The following TLL1 variants were observed in gnomAD, a reference collection of about 807,000 sequenced individuals.
TLL1 encodes the protein tolloid like 1, also known as tolloid-like protein 1.
Under a neutral mutation model 128.2 loss-of-function variants are expected in TLL1, and 49 were observed. The ratio of observed to expected loss-of-function variants is 0.38; its 90% CI spans 0.30 to 0.48. The LOEUF is 0.48. Ranked by LOEUF, TLL1 falls within the 20% of genes least tolerant of loss-of-function variation. The pLI is 0.96. For missense variants in TLL1, 1,123 were observed against 1,242.0 expected (o/e 0.90, Z 1.44); for synonymous variants, 454 against 418.8 (o/e 1.08, Z -1.03).
intron 9 of TLL1, among the ~76,000 whole-genome samples, chr4:166,031,581 TG>T (rs930855853): frequency 3.3e-5 from 5 of 152,204 alleles, no homozygotes; most frequent in Middle Eastern, 3.4e-3. Context: ...TTGCCCAGGC[TG>T]GTCTTGAACT....
intron 1 of TLL1, among the ~76,000 whole-genome samples, chr4:165,980,070 T>TA (rs1354018593): frequency 7.9e-5 from 12 of 152,280 alleles, no homozygotes; most frequent in South Asian, 4.1e-4. Flanking sequence ...ATGTTATCAT[T>TA]AAACATTGGA....
chr4:165,952,804 AT>A (rs1468943151), intron 1 of TLL1, among the ~76,000 whole-genome samples: 2 of 151,688 alleles, frequency 1.3e-5, no homozygotes, highest in African/African-American at 2.4e-5. Context: ...AGTCAAAAAA[AT>A]AAAAAAATTT....
intron 1 of TLL1, among the ~76,000 whole-genome samples, chr4:165,908,635 C>T (rs2110867144): frequency 6.7e-6 from 1 of 149,986 alleles, no homozygotes; most frequent in Middle Eastern, 3.6e-3. Flanking sequence ...TAATAGCAGT[C>T]TGCATGGAAT....
intron 1 of TLL1, among the ~76,000 whole-genome samples, chr4:165,971,261 C>A (rs1735615280): frequency 6.6e-6 from 1 of 152,144 alleles, no homozygotes; most frequent in Admixed American, 6.5e-5. Flanking sequence ...GTGATATCAC[C>A]CCCATGCATG....
chr4:165,948,882 A>G (rs989719818), intron 1 of TLL1, among the ~76,000 whole-genome samples: 4 of 152,130 alleles, frequency 2.6e-5, no homozygotes, highest in Non-Finnish European at 4.4e-5. Context: ...TGAGGGTTAG[A>G]GGGAAGACTG....
At chr4:166,047,661 C>T (rs1157300085) in intron 12 of TLL1, among the ~76,000 whole-genome samples, 3 of 152,018 alleles carry the variant, frequency 2.0e-5, no homozygotes, top group Non-Finnish European at 2.9e-5. Flanking sequence ...TTTGCCAGTG[C>T]CATTTGCATT....
rs115531004 is a variant in TLL1, at chr4:166,005,182, T to C, written c.811+1613T>C. Among the ~76,000 whole-genome samples the C allele has an allele frequency of 5.4e-3, 817 of 152,182 alleles. 3 individuals carry two copies. The highest frequency in any genetic ancestry group is 8.1e-3 in the Non-Finnish European group (550 of 67,940). ...AACATTTGAGATATTGAAATATTGA[T>C]AAAACAGCATGTTTTTGAGAAAGAG... is the stretch of plus-strand genomic sequence containing the variant. On this transcript the variant is annotated intron_variant, in intron 6 of 20. Transcript: ENST00000061240.
At chr4:165,909,359 G>A (rs917381757) in intron 1 of TLL1, among the ~76,000 whole-genome samples, 1 of 152,194 alleles carries the variant, frequency 6.6e-6, no homozygotes, top group African/African-American at 2.4e-5. Flanking sequence ...AGTTCAAGTA[G>A]GCAAGTGGAC....
At chr4:166,004,774 C>A (rs1368204937) in intron 6 of TLL1, among the ~76,000 whole-genome samples, 1 of 152,052 alleles carries the variant, frequency 6.6e-6, no homozygotes, top group Non-Finnish European at 1.5e-5. Context: ...TAGTTGGTAT[C>A]TTATCCTTTA....
chr4:165,919,831 C>T, intron 1 of TLL1: 1 of 456,056 alleles, frequency 2.2e-6, no homozygotes, highest in Non-Finnish European at 4.4e-6. Flanking sequence ...TCTTTACTTC[C>T]AGACTGACCA....
chr4:166,074,775 TTAGTTTAC>T, intron 16 of TLL1, 95 bp from the exon 17 acceptor site: 1 of 1,395,302 alleles, frequency 7.2e-7, no homozygotes, highest in Non-Finnish European at 1.0e-6. Flanking sequence ...AAACCATGAC[TTAGTTTAC>T]CCTTTGGCAG....
At chr4:165,967,402 A>C (rs1487242478) in intron 1 of TLL1, among the ~76,000 whole-genome samples, 3 of 152,252 alleles carry the variant, frequency 2.0e-5, no homozygotes, top group African/African-American at 7.2e-5. Context: ...TGATTGGGGA[A>C]GTGACAAATG....
At chr4:165,893,454 G>A (rs1313920162) in intron 1 of TLL1, among the ~76,000 whole-genome samples, 1 of 152,168 alleles carries the variant, frequency 6.6e-6, no homozygotes, top group Non-Finnish European at 1.5e-5. Context: ...TTGAAGAGGT[G>A]GAGCTGGGAA....
At chr4:165,896,652 T>C (rs1417456807) in intron 1 of TLL1, among the ~76,000 whole-genome samples, 1 of 151,854 alleles carries the variant, frequency 6.6e-6, no homozygotes, top group Non-Finnish European at 1.5e-5. Context: ...GCGGCTAATT[T>C]TTTTGTATTT....
chr4:165,995,188 A>T lies in TLL1; in HGVS notation c.632+10A>T. The T allele has an allele frequency of 6.3e-7, 1 of 1,579,350 alleles. No homozygotes were observed. Among genetic ancestry groups the T allele is most frequent in the Non-Finnish European group, 8.7e-7 (1 of 1,148,318 alleles). On this transcript the variant is annotated intron_variant, in intron 5 of 20. Transcript: ENST00000061240. ...CCTATAGGCCTTGTGGGTAAGTAGA[A>T]CTAGGTAGGGACTGACTTAAGGAAA... is the stretch of plus-strand genomic sequence containing the variant.
At chr4:165,928,665 T>C (rs1415444613) in intron 1 of TLL1, among the ~76,000 whole-genome samples, 1 of 152,184 alleles carries the variant, frequency 6.6e-6, no homozygotes, top group Non-Finnish European at 1.5e-5. Flanking sequence ...CAAAACAATC[T>C]AAAACCAGGA....
At chr4:166,061,969 T>C (rs1740337862) in intron 15 of TLL1, among the ~76,000 whole-genome samples, 2 of 152,172 alleles carry the variant, frequency 1.3e-5, no homozygotes, top group African/African-American at 4.8e-5. Context: ...ATTTATTAAA[T>C]AGGGAATCCT....
chr4:165,973,753 C>T (rs1735737776), intron 1 of TLL1, among the ~76,000 whole-genome samples: 1 of 151,596 alleles, frequency 6.6e-6, no homozygotes, highest in South Asian at 2.1e-4. Flanking sequence ...GCAATCTGCA[C>T]CTCCCAGGTA....
chr4:166,013,080 G>C (rs1449327976), intron 7 of TLL1, among the ~76,000 whole-genome samples: 3 of 151,598 alleles, frequency 2.0e-5, no homozygotes, highest in Non-Finnish European at 4.4e-5. Context: ...TTTCTGTCTG[G>C]AAACACTGTA....
Sources: gnomAD v4.1 joint callset for allele counts (sites outside exome capture counted in the v4.1 genomes callset) on GRCh38, gnomAD v4.1.1 for gene constraint, MANE v1.5 for transcripts, NCBI Gene and HGNC (gene_info 2026-07-23, HGNC 2026-07-21) for gene names.